Variants in CCDC18 observed in about 807,000 individuals in gnomAD.
CCDC18 encodes coiled-coil domain-containing protein 18.
CCDC18 carries 157 observed loss-of-function variants against 196.0 expected under a neutral mutation model. The observed-to-expected ratio is 0.80, with a 90% CI of 0.70 to 0.91. CCDC18 has a LOEUF of 0.91. Among genes scored for constraint, CCDC18 ranks in the 40% least tolerant of loss-of-function variants. The probability of loss-of-function intolerance (pLI) is 0.00; values close to 1 mark genes in which losing one functional copy is unlikely to be tolerated. For missense variants in CCDC18, 1,465 were observed against 1,611.6 expected, an observed-to-expected ratio of 0.91 and a Z score of 1.56; for synonymous variants, 482 against 529.2, an observed-to-expected ratio of 0.91 and a Z score of 1.22.
In CCDC18 at chr1:93,264,783, A is replaced by G; in HGVS notation, c.3767A>G (p.Gln1256Arg). Residue 1256 changes from glutamine (Q) to arginine (R), a missense_variant, in exon 27 of 29, where the codon CAG becomes CGG. Gln to Arg is a conservative substitution (Grantham distance 43). Transcript: ENST00000690025. ...TCTTCTGTTCAGCAACTAAACGAAC[A>G]GTTAGAGAAGGCAAAATTGGAATTA... ...QKSSVQQLNE[Q>R]LEKAKLELEE... The G allele has an allele frequency of 6.2e-7, 1 of 1,613,254 alleles. No individual in the cohort carries two copies. Among genetic ancestry groups the G allele is most frequent in the East Asian group, 2.2e-5 (1 of 44,772 alleles).
chr1:93,220,014 T>C (rs1657138076), intron 14 of CCDC18, among the ~76,000 whole-genome samples: 1 of 152,166 alleles, frequency 6.6e-6, no homozygotes, highest in African/African-American at 2.4e-5. Flanking sequence ...GAAGGAATAA[T>C]GTCTGAAAAC....
At chr1:93,209,328 G>A (rs1436831063) in intron 9 of CCDC18, among the ~76,000 whole-genome samples, 2 of 152,152 alleles carry the variant, frequency 1.3e-5, no homozygotes, top group Non-Finnish European at 2.9e-5. Context: ...ATATATAAAT[G>A]AGATTAAGAA....
chr1:93,277,557 T>A (rs6541403), intron 28 of CCDC18, among the ~76,000 whole-genome samples: 8 of 135,794 alleles, frequency 5.9e-5, no homozygotes, highest in African/African-American at 1.6e-4. Context: ...ATCTTGCACC[T>A]CCCTCAATCC....
At chr1:93,273,059 C>A (rs1247095057) in intron 28 of CCDC18, among the ~76,000 whole-genome samples, 1 of 150,708 alleles carries the variant, frequency 6.6e-6, no homozygotes, top group Non-Finnish European at 1.5e-5. Flanking sequence ...ATTTCTTTAT[C>A]AATTGCTTTT....
chr1:93,225,499 A>G (rs1245314435), intron 16 of CCDC18, among the ~76,000 whole-genome samples: 3 of 152,156 alleles, frequency 2.0e-5, no homozygotes, highest in Non-Finnish European at 4.4e-5. Context: ...ACTTAAGGCC[A>G]GGCAAGGTGG....
chr1:93,255,401 G>A (rs1267268921), intron 24 of CCDC18, among the ~76,000 whole-genome samples: 5 of 152,154 alleles, frequency 3.3e-5, no homozygotes, highest in African/African-American at 1.2e-4. Flanking sequence ...CATGTGTGTT[G>A]ACTGGTGAAT....
upstream of CCDC18, chr1:93,180,290 C>T: frequency 6.5e-7 from 1 of 1,546,054 alleles, no homozygotes; most frequent in Admixed American, 2.3e-5. Context: ...GTACTGTTGT[C>T]TCCGCTCCGC....
In CCDC18 at chr1:93,214,797, A is replaced by C. The variant is rs760146692; in HGVS notation, c.1550A>C (p.Glu517Ala). 1 of 1,613,198 alleles carries C rather than the reference A, an allele frequency of 6.2e-7. No individual in the cohort carries two copies. Among genetic ancestry groups the C allele is most frequent in the Admixed American group, 1.7e-5 (1 of 60,028 alleles). Reference protein sequence around the residue: ...QHTMNKQYEKERQRLVTGIEE... With the variant: ...QHTMNKQYEKARQRLVTGIEE... The stretch of plus-strand genomic sequence containing the variant: ...ACTATGAACAAGCAATATGAAAAAG[A>C]GAGGCAAAGACTTGTTACTGGAATA... Residue 517 changes from glutamate (E) to alanine (A), a missense_variant, in exon 12 of 29, where the codon GAG (glutamate) becomes GCG (alanine). Coordinates refer to ENST00000690025, the MANE Select transcript of CCDC18 (RefSeq NM_001378204.1).
In CCDC18 at chr1:93,226,326, T is replaced by C; in HGVS notation, c.2176-7T>C. The C allele has an allele frequency of 1.8e-6, 2 of 1,128,132 alleles. No individual in the cohort carries two copies. The highest frequency in any genetic ancestry group is 1.3e-6 in the Non-Finnish European group (1 of 798,066). The allele number at this position is 1,128,132 out of a possible 1,614,324, so 69.9% of individuals were successfully genotyped here. On this transcript the variant is annotated splice_polypyrimidine_tract_variant and splice_region_variant and intron_variant, in intron 16 of 28. Transcript: ENST00000690025. ...TTTTTTTTTTTTTTGCTTTTTTTCC[T>C]GCTTAGGTTAGGCAACTAGATTCAG...
intron 16 of CCDC18, among the ~76,000 whole-genome samples, chr1:93,223,440 T>G (rs1441302165): frequency 2.0e-5 from 3 of 152,204 alleles, no homozygotes; most frequent in African/African-American, 7.2e-5. Context: ...CTCTCCTGAT[T>G]ATGTCATTAC....
At chr1:93,182,929 A>G (rs1158215627) in intron 1 of CCDC18, among the ~76,000 whole-genome samples, 2 of 152,218 alleles carry the variant, frequency 1.3e-5, no homozygotes, top group African/African-American at 2.4e-5. Context: ...TATGTAATAA[A>G]GCTACAATGC....
chr1:93,277,767 T>C (rs1665701766), intron 28 of CCDC18, among the ~76,000 whole-genome samples: 1 of 150,664 alleles, frequency 6.6e-6, no homozygotes, highest in African/African-American at 2.5e-5. Context: ...CTTTTGTCTC[T>C]GTCTGCTCTT....
At chr1:93,227,838 G>A (rs1455530036) in intron 17 of CCDC18, among the ~76,000 whole-genome samples, 1 of 151,092 alleles carries the variant, frequency 6.6e-6, no homozygotes, top group Non-Finnish European at 1.5e-5. Context: ...CATACCCGTG[G>A]TCCCAGCTAC....
At chr1:93,180,896 C>T in intron 1 of CCDC18, 44 bp downstream of exon 1, 1 of 1,362,932 alleles carries the variant, frequency 7.3e-7, no homozygotes. Flanking sequence ...AGCGACTGCG[C>T]CTTGGCGTGG....
intron 9 of CCDC18, among the ~76,000 whole-genome samples, chr1:93,208,962 C>T (rs1201033979): frequency 6.6e-6 from 1 of 151,638 alleles, no homozygotes; most frequent in African/African-American, 2.4e-5. Flanking sequence ...CCATGCCCGG[C>T]CTTTTATTTT....
At chr1:93,225,169 C>A (rs147200854) in intron 16 of CCDC18, among the ~76,000 whole-genome samples, 60 of 152,154 alleles carry the variant, frequency 3.9e-4, no homozygotes, top group Admixed American at 2.0e-3. Flanking sequence ...CTTACTAGAA[C>A]ATTATTAGCA....
chr1:93,239,930 A>T (rs750381818), intron 21 of CCDC18, 34 bp downstream of exon 21: 2 of 1,334,560 alleles, frequency 1.5e-6, no homozygotes, highest in Non-Finnish European at 2.1e-6. Flanking sequence ...TATCACAGTT[A>T]TAAGTCCTTG....
chr1:93,182,052 C>G (rs1649808125), intron 1 of CCDC18, among the ~76,000 whole-genome samples: 1 of 152,156 alleles, frequency 6.6e-6, no homozygotes, highest in African/African-American at 2.4e-5. Context: ...CTACAGAGAG[C>G]TAGAGATGTT....
At chr1:93,209,633 G>T (rs928897104) in intron 9 of CCDC18, among the ~76,000 whole-genome samples, 2 of 152,176 alleles carry the variant, frequency 1.3e-5, no homozygotes, top group African/African-American at 4.8e-5. Context: ...TAAGATCTTA[G>T]CTCCTCTGAT....
Sources: gnomAD v4.1 joint callset for allele counts (sites outside exome capture counted in the v4.1 genomes callset) on GRCh38, gnomAD v4.1.1 for gene constraint, MANE v1.5 for transcripts, NCBI Gene and HGNC (gene_info 2026-07-23, HGNC 2026-07-21) for gene names.